Variants in MARCHF1 observed in about 807,000 individuals in gnomAD.
MARCHF1 encodes the protein E3 ubiquitin-protein ligase MARCHF1.
MARCHF1 carries 40 observed loss-of-function variants against 54.2 expected under a neutral mutation model. That is an observed-to-expected ratio of 0.74 (90% CI 0.57 to 0.96). The LOEUF is 0.96. Ranked by LOEUF, MARCHF1 falls within the 40% of genes least tolerant of loss-of-function variation. The probability of loss-of-function intolerance (pLI) is 0.00; values close to 1 mark genes in which losing one functional copy is unlikely to be tolerated. For synonymous variants in MARCHF1, 236 were observed against 236.3 expected, an observed-to-expected ratio of 1.00 and a Z score of 0.01; for missense variants, 586 against 656.5, an observed-to-expected ratio of 0.89 and a Z score of 1.17.
chr4:163,763,812 A>T (rs1007900587), intron 4 of MARCHF1, among the ~76,000 whole-genome samples: 2 of 151,970 alleles, frequency 1.3e-5, no homozygotes, highest in Non-Finnish European at 2.9e-5. Flanking sequence ...CCCAAATGTC[A>T]CTCATTCTAT....
chr4:163,773,895 C>A (rs1052237996), intron 4 of MARCHF1, among the ~76,000 whole-genome samples: 8 of 152,108 alleles, frequency 5.3e-5, no homozygotes, highest in African/African-American at 1.9e-4. Context: ...ATATATAATG[C>A]CATGAATGGT....
At chr4:164,233,873 A>G (rs1243015910) in intron 1 of MARCHF1, among the ~76,000 whole-genome samples, 3 of 152,206 alleles carry the variant, frequency 2.0e-5, no homozygotes, top group Non-Finnish European at 4.4e-5. Context: ...AAATGGTGAC[A>G]TAAAATCTAA....
chr4:164,307,302 C>T (rs1734721440), intron 1 of MARCHF1, among the ~76,000 whole-genome samples: 1 of 152,192 alleles, frequency 6.6e-6, no homozygotes, highest in Admixed American at 6.5e-5. Context: ...TACAGCCTAG[C>T]ATAGTAAGGG....
At chr4:163,603,568 G>A (rs1741046389) in intron 7 of MARCHF1, among the ~76,000 whole-genome samples, 1 of 151,998 alleles carries the variant, frequency 6.6e-6, no homozygotes, top group Admixed American at 6.6e-5. Context: ...TATAAACAAT[G>A]AGTAATTCTT....
At chr4:163,568,334 G>A (rs112946403) in intron 8 of MARCHF1, among the ~76,000 whole-genome samples, 2,089 of 152,046 alleles carry the variant, frequency 0.014, 46 homozygotes, top group African/African-American at 0.046. Context: ...AACCAAATTT[G>A]GTTAAATTTG....
intron 8 of MARCHF1, among the ~76,000 whole-genome samples, chr4:163,549,916 A>G (rs571635871): frequency 8.5e-5 from 13 of 152,348 alleles, no homozygotes; most frequent in African/African-American, 3.1e-4. Flanking sequence ...TATAAATTTA[A>G]AAGTACTGCC....
intron 3 of MARCHF1, among the ~76,000 whole-genome samples, chr4:163,914,898 T>C (rs1751274189): frequency 1.3e-5 from 2 of 152,256 alleles, no homozygotes; most frequent in South Asian, 2.1e-4. Flanking sequence ...ATAATAACCA[T>C]GTTGAATACT....
chr4:164,019,711 A>G (rs967511087), intron 2 of MARCHF1, among the ~76,000 whole-genome samples: 3 of 152,216 alleles, frequency 2.0e-5, no homozygotes. Flanking sequence ...TTACACAAAG[A>G]TAAATATATA....
chr4:163,594,845 G>A (rs1372732354), intron 7 of MARCHF1, among the ~76,000 whole-genome samples: 1 of 152,018 alleles, frequency 6.6e-6, no homozygotes, highest in Non-Finnish European at 1.5e-5. Flanking sequence ...GCCCTTGTAC[G>A]CTGTTAGGAA....
chr4:164,004,512 C>T (rs749894924), intron 2 of MARCHF1, among the ~76,000 whole-genome samples: 2 of 151,832 alleles, frequency 1.3e-5, no homozygotes, highest in African/African-American at 2.4e-5. Flanking sequence ...CACTGTCAAC[C>T]AATTCCACCC....
intron 8 of MARCHF1, chr4:163,584,802 C>T (rs1473076): frequency 0.42 from 64,482 of 151,982 alleles, 13,992 homozygotes; most frequent in East Asian, 0.52. Flanking sequence ...GTGTTTCTTT[C>T]CAGGCAATGT....
chr4:163,921,525 A>C (rs953379497), intron 3 of MARCHF1, among the ~76,000 whole-genome samples: 7 of 152,196 alleles, frequency 4.6e-5, no homozygotes, highest in Non-Finnish European at 8.8e-5. Context: ...CTATGAATCA[A>C]AACTTGAAGA....
chr4:164,111,398 G>A (rs1022613839), intron 2 of MARCHF1, among the ~76,000 whole-genome samples, 190 bp downstream of exon 2: 2 of 151,616 alleles, frequency 1.3e-5, no homozygotes, highest in Admixed American at 6.6e-5. Context: ...GTTAATCTAA[G>A]AAAGAAATGC....
At chr4:164,005,630 C>T (rs1472260793) in intron 2 of MARCHF1, among the ~76,000 whole-genome samples, 1 of 152,118 alleles carries the variant, frequency 6.6e-6, no homozygotes, top group African/African-American at 2.4e-5. Flanking sequence ...CCCTGCCTTA[C>T]CTCATGGGAA....
At chr4:164,053,432 C>T (rs1754416650) in intron 2 of MARCHF1, among the ~76,000 whole-genome samples, 1 of 152,130 alleles carries the variant, frequency 6.6e-6, no homozygotes, top group African/African-American at 2.4e-5. Flanking sequence ...AGCCCTCATA[C>T]AGTCTGTGAT....
chr4:163,801,887 G>A (rs780487428), intron 4 of MARCHF1, among the ~76,000 whole-genome samples: 11 of 151,920 alleles, frequency 7.2e-5, no homozygotes, highest in Non-Finnish European at 1.6e-4. Flanking sequence ...TGAGTATATC[G>A]TTTATCAGTT....
intron 2 of MARCHF1, among the ~76,000 whole-genome samples, chr4:164,035,513 T>G (rs913008653): frequency 3.3e-5 from 5 of 151,670 alleles, no homozygotes; most frequent in Admixed American, 1.3e-4. Flanking sequence ...AGTATACACA[T>G]ATTCATTATA....
intron 4 of MARCHF1, among the ~76,000 whole-genome samples, chr4:163,819,775 C>G (rs756900022): frequency 5.9e-5 from 9 of 152,104 alleles, no homozygotes; most frequent in East Asian, 1.9e-4. Flanking sequence ...TGCACCTACA[C>G]TTTCTGTCAT....
chr4:164,054,874 C>A (rs1262605576), intron 2 of MARCHF1, among the ~76,000 whole-genome samples: 1 of 150,888 alleles, frequency 6.6e-6, no homozygotes, highest in East Asian at 2.0e-4. Flanking sequence ...CACATGTATA[C>A]ATATGTAACT....
Sources: gnomAD v4.1 joint callset for allele counts (sites outside exome capture counted in the v4.1 genomes callset) on GRCh38, gnomAD v4.1.1 for gene constraint, MANE v1.5 for transcripts, NCBI Gene and HGNC (gene_info 2026-07-23, HGNC 2026-07-21) for gene names.